The following WWOX variants were observed in gnomAD, a reference collection of about 807,000 sequenced individuals.
WWOX encodes WW domain containing oxidoreductase, also known as WW domain-containing oxidoreductase.
A neutral mutation model predicts 46.2 loss-of-function variants in WWOX; 69 were observed. The ratio of observed to expected loss-of-function variants is 1.49; its 90% CI spans 1.23 to 1.82. The LOEUF (loss-of-function observed/expected upper bound fraction) is 1.82. Among genes scored for constraint, WWOX ranks in the 40% most tolerant of loss-of-function variants. The pLI, the probability that WWOX is intolerant of heterozygous loss-of-function variation, is 0.00. For missense variants in WWOX, 919 were observed against 542.6 expected (o/e 1.69, Z -6.89); for synonymous variants, 359 against 202.6 (o/e 1.77, Z -6.56).
intron 8 of WWOX, among the ~76,000 whole-genome samples, chr16:79,211,343 A>G (rs995325975): frequency 3.3e-5 from 5 of 152,082 alleles, no homozygotes; most frequent in Non-Finnish European, 7.4e-5. Context: ...TGATATGTGT[A>G]TTTATTTTCC....
At chr16:78,838,531 T>C (rs1446965340) in intron 8 of WWOX, among the ~76,000 whole-genome samples, 1 of 152,060 alleles carries the variant, frequency 6.6e-6, no homozygotes, top group Non-Finnish European at 1.5e-5. Context: ...GTTCTTGAAA[T>C]TAGAAAATTA....
At chr16:79,025,694 A>G (rs1408238427) in intron 8 of WWOX, among the ~76,000 whole-genome samples, 1 of 152,024 alleles carries the variant, frequency 6.6e-6, no homozygotes. Context: ...TACCACACAG[A>G]TGCAGGAAAC....
chr16:79,000,450 A>C (rs871572), intron 8 of WWOX, among the ~76,000 whole-genome samples: 3,922 of 152,302 alleles, frequency 0.026, 63 homozygotes, highest in Middle Eastern at 0.048. Context: ...GGGTAGGCCC[A>C]GTCGAATCAG....
intron 8 of WWOX, among the ~76,000 whole-genome samples, chr16:78,887,482 C>A (rs1351467935): frequency 4.6e-5 from 6 of 129,386 alleles, no homozygotes; most frequent in Non-Finnish European, 6.7e-5. Flanking sequence ...CACACACACA[C>A]ACACACACAC....
At chr16:79,139,310 T>C (rs966049557) in intron 8 of WWOX, among the ~76,000 whole-genome samples, 3 of 152,202 alleles carry the variant, frequency 2.0e-5, no homozygotes, top group African/African-American at 7.2e-5. Context: ...AAATTCCAGC[T>C]ACAGAAGCAA....
chr16:78,942,225 C>A (rs371136315), intron 8 of WWOX, among the ~76,000 whole-genome samples: 2 of 152,080 alleles, frequency 1.3e-5, no homozygotes, highest in African/African-American at 2.4e-5. Flanking sequence ...ATAGTCAATT[C>A]CCTTTAAAGT....
At chr16:78,298,046 G>C (rs1476885790) in intron 5 of WWOX, among the ~76,000 whole-genome samples, 1 of 152,116 alleles carries the variant, frequency 6.6e-6, no homozygotes, top group Non-Finnish European at 1.5e-5. Flanking sequence ...TCCCCACTTT[G>C]CTCTGTACTT....
At chr16:79,195,573 C>A (rs1350134251) in intron 8 of WWOX, among the ~76,000 whole-genome samples, 1 of 152,170 alleles carries the variant, frequency 6.6e-6, no homozygotes, top group Non-Finnish European at 1.5e-5. Flanking sequence ...GTTTCTTGGG[C>A]TTGCTCTGAA....
chr16:78,441,122 T>C (rs2083435819), intron 8 of WWOX, among the ~76,000 whole-genome samples: 1 of 152,070 alleles, frequency 6.6e-6, no homozygotes, highest in Non-Finnish European at 1.5e-5. Context: ...TTTGTATTTT[T>C]AGTAGAGACG....
intron 7 of WWOX, among the ~76,000 whole-genome samples, chr16:78,426,603 T>C (rs551863798): frequency 3.0e-4 from 46 of 152,320 alleles, no homozygotes; most frequent in African/African-American, 9.9e-4. Context: ...GGCTTGCTCC[T>C]GTGTGATGGC....
chr16:78,383,775 C>G (rs907360461), intron 5 of WWOX, among the ~76,000 whole-genome samples: 5 of 152,114 alleles, frequency 3.3e-5, no homozygotes, highest in African/African-American at 9.7e-5. Flanking sequence ...AAATGGGAAA[C>G]CTGATACCTA....
intron 4 of WWOX, among the ~76,000 whole-genome samples, chr16:78,148,315 C>G (rs968558859): frequency 6.6e-6 from 1 of 152,058 alleles, no homozygotes; most frequent in African/African-American, 2.4e-5. Flanking sequence ...TGTGCGCATG[C>G]CTGTGTGTGT....
At chr16:79,010,740 G>C (rs1170227868) in intron 8 of WWOX, among the ~76,000 whole-genome samples, 2 of 148,698 alleles carry the variant, frequency 1.3e-5, no homozygotes, top group Non-Finnish European at 3.0e-5. Flanking sequence ...GTAGAGATGG[G>C]AACCTTCCAG....
intron 8 of WWOX, among the ~76,000 whole-genome samples, chr16:78,662,460 A>T (rs934674795): frequency 7.2e-5 from 11 of 152,080 alleles, no homozygotes; most frequent in Non-Finnish European, 1.6e-4. Context: ...ATTATTACTC[A>T]GTTCAAGAAA....
chr16:78,382,881 CTG>C (rs148291935), intron 5 of WWOX, among the ~76,000 whole-genome samples: 8,065 of 152,004 alleles, frequency 0.053, 278 homozygotes, highest in East Asian at 0.12. Context: ...ATACCTGAGA[CTG>C]TGTAATTTAT....
intron 4 of WWOX, among the ~76,000 whole-genome samples, chr16:78,125,539 C>G (rs183256641): frequency 8.5e-5 from 13 of 152,232 alleles, no homozygotes; most frequent in African/African-American, 2.9e-4. Flanking sequence ...GATGTCATTT[C>G]CAGACTGCAT....
chr16:78,192,732 G>A (rs1015754003), intron 5 of WWOX, among the ~76,000 whole-genome samples: 2 of 152,098 alleles, frequency 1.3e-5, no homozygotes, highest in South Asian at 2.1e-4. Flanking sequence ...TTTTTTGACA[G>A]AATCTTTTTT....
chr16:78,309,894 A>T (rs1295496844), intron 5 of WWOX, among the ~76,000 whole-genome samples: 1 of 152,138 alleles, frequency 6.6e-6, no homozygotes, highest in Admixed American at 6.5e-5. Flanking sequence ...CTCCTATGTA[A>T]ATAGGGATAA....
intron 4 of WWOX, among the ~76,000 whole-genome samples, chr16:78,139,080 C>G (rs766344655): frequency 1.3e-5 from 2 of 152,034 alleles, no homozygotes; most frequent in East Asian, 3.8e-4. Context: ...GGCGCATAGA[C>G]AGGCTAAAGG....
Sources: allele counts gnomAD v4.1 joint callset (sites outside exome capture counted in the v4.1 genomes callset), GRCh38; gene constraint gnomAD v4.1.1; transcripts MANE v1.5; gene names NCBI Gene and HGNC (gene_info 2026-07-23, HGNC 2026-07-21).